The following ANKRD12 variants were observed in gnomAD, a reference collection of about 807,000 sequenced individuals.
ANKRD12 encodes the protein ankyrin repeat domain 12.
In ANKRD12, 85 loss-of-function variants were observed where a neutral mutation model predicts 183.4. The ratio of observed to expected loss-of-function variants is 0.46; its 90% confidence interval spans 0.39 to 0.56. The LOEUF (loss-of-function observed/expected upper bound fraction) is 0.56. Among genes scored for constraint, ANKRD12 ranks in the 20% least tolerant of loss-of-function variants. ANKRD12 has a pLI of 0.00. For synonymous variants in ANKRD12, 914 were observed against 800.2 expected, an observed-to-expected ratio of 1.14 and a Z score of -2.40; for missense variants, 2,405 against 2,357.1, an observed-to-expected ratio of 1.02 and a Z score of -0.42.
At chr18:9,231,877 C>T (rs887938450) in intron 8 of ANKRD12, among the ~76,000 whole-genome samples, 4 of 150,160 alleles carry the variant, frequency 2.7e-5, no homozygotes, top group African/African-American at 9.8e-5. Flanking sequence ...TATAGCTACT[C>T]TTGCTTGCTT....
intron 3 of ANKRD12, among the ~76,000 whole-genome samples, chr18:9,197,045 T>G (rs1035977891): frequency 8.5e-5 from 13 of 152,210 alleles, no homozygotes; most frequent in African/African-American, 3.1e-4. Context: ...ATATTTCTGA[T>G]AGCTGTTCGA....
intron 8 of ANKRD12, among the ~76,000 whole-genome samples, chr18:9,232,482 T>TA (rs1475455624): frequency 1.3e-5 from 2 of 152,218 alleles, no homozygotes; most frequent in Non-Finnish European, 2.9e-5. Context: ...AGTCTGCTGT[T>TA]AGTCTGATGG....
At chr18:9,239,673 A>G (rs571626222) in intron 8 of ANKRD12, 8 of 355,388 alleles carry the variant, frequency 2.3e-5, no homozygotes, top group Non-Finnish European at 3.2e-5. Context: ...ACTTCATCCA[A>G]TCTAAATTCA....
rs184548680 is a variant in ANKRD12, at chr18:9,155,872, T to G, written c.-52+18907T>G. On this transcript the variant is annotated intron_variant, in intron 1 of 12. Transcript: ENST00000262126. ...TGATTTCTGTTTATGATGTTTACAT[T>G]GTAGAAATTTTAAATTTTTATTTAG... Among the ~76,000 whole-genome samples, 40 of 152,272 alleles carry G rather than the reference T, an allele frequency of 2.6e-4. No homozygotes were observed. In the East Asian group the frequency reaches 7.3e-3, roughly 28 times the overall value.
At chr18:9,211,182 A>G (rs776200442) in intron 5 of ANKRD12, among the ~76,000 whole-genome samples, 17 of 152,166 alleles carry the variant, frequency 1.1e-4, no homozygotes, top group African/African-American at 3.1e-4. Flanking sequence ...AAGAACTCCA[A>G]TGCTTTGTCT....
At chr18:9,259,068 A>C in intron 9 of ANKRD12, 137 bp downstream of exon 9, 1 of 1,044,290 alleles carries the variant, frequency 9.6e-7, no homozygotes, top group South Asian at 2.1e-5. Context: ...CGAGATATAA[A>C]GCTAGTAACG....
chr18:9,224,514 T>A (rs1419938497), intron 8 of ANKRD12, among the ~76,000 whole-genome samples: 1 of 151,938 alleles, frequency 6.6e-6, no homozygotes, highest in African/African-American at 2.4e-5. Flanking sequence ...CATACAGAAG[T>A]GCTTGAATAA....
intron 8 of ANKRD12, among the ~76,000 whole-genome samples, chr18:9,227,945 A>G (rs1293937941): frequency 6.6e-6 from 1 of 151,132 alleles, no homozygotes; most frequent in Non-Finnish European, 1.5e-5. Flanking sequence ...TTGCTTCCCC[A>G]CTCTCCCCCA....
intron 3 of ANKRD12, among the ~76,000 whole-genome samples, chr18:9,201,642 T>TG (rs770945044): frequency 6.6e-6 from 1 of 152,148 alleles, no homozygotes; most frequent in Non-Finnish European, 1.5e-5. Flanking sequence ...CAAATAGCAT[T>TG]GGGGGACATG....
chr18:9,269,110 GA>G (rs1442404182), intron 10 of ANKRD12, among the ~76,000 whole-genome samples: 1 of 152,138 alleles, frequency 6.6e-6, no homozygotes, highest in Non-Finnish European at 1.5e-5. Flanking sequence ...ACTGCTCAAT[GA>G]AATAAAAGAG....
At chr18:9,275,346 G>A (rs1448622691) in intron 10 of ANKRD12, among the ~76,000 whole-genome samples, 178 bp from the exon 11 acceptor site, 1 of 152,016 alleles carries the variant, frequency 6.6e-6, no homozygotes, top group South Asian at 2.1e-4. Flanking sequence ...CATGGCACAT[G>A]CCTGTAGTCC....
chr18:9,138,532 A>C lies in ANKRD12; in HGVS notation c.-52+1567A>C, dbSNP rs374665229. ...CCGTCGCAAAAACATACCAAAACAA[A>C]CAAACAAACAAACAAAAAAACATAT... On this transcript the variant is annotated intron_variant, in intron 1 of 12. Coordinates refer to ENST00000262126, the MANE Select transcript of ANKRD12 (RefSeq NM_015208.5). Among the ~76,000 whole-genome samples the C allele has an allele frequency of 2.1e-4, 31 of 150,354 alleles. No homozygotes were observed. In the South Asian group the frequency reaches 4.6e-3, roughly 22 times the overall value.
At chr18:9,213,691 T>G (rs978937995) in intron 6 of ANKRD12, among the ~76,000 whole-genome samples, 2 of 151,834 alleles carry the variant, frequency 1.3e-5, no homozygotes, top group Non-Finnish European at 3.0e-5. Context: ...TATTTCTGGG[T>G]GGTGAGATTA....
intron 11 of ANKRD12, 79 bp downstream of exon 11, chr18:9,275,746 G>C: frequency 1.5e-6 from 2 of 1,313,498 alleles, no homozygotes; most frequent in Non-Finnish European, 2.0e-6. Flanking sequence ...TATTTCCATA[G>C]AAAGAACTTG....
chr18:9,231,316 A>G (rs1323921992), intron 8 of ANKRD12, among the ~76,000 whole-genome samples: 1 of 152,100 alleles, frequency 6.6e-6, no homozygotes, highest in Admixed American at 6.5e-5. Context: ...TTCTATCTAG[A>G]TGATCTGTCT....
At chr18:9,218,247 A>G (rs576223491) in intron 7 of ANKRD12, among the ~76,000 whole-genome samples, 4 of 152,314 alleles carry the variant, frequency 2.6e-5, no homozygotes, top group South Asian at 2.1e-4. Context: ...GAGCTCATGT[A>G]CTTACAAGGA....
At chr18:9,263,693 T>G in intron 9 of ANKRD12, 97 bp from the exon 10 acceptor site, 5 of 794,834 alleles carry the variant, frequency 6.3e-6, no homozygotes, top group Non-Finnish European at 7.2e-6. Flanking sequence ...CATCAGAATT[T>G]GTTTTTTTAT....
chr18:9,151,591 A>G (rs546177064), intron 1 of ANKRD12, among the ~76,000 whole-genome samples: 1 of 152,340 alleles, frequency 6.6e-6, no homozygotes, highest in South Asian at 2.1e-4. Flanking sequence ...AGTGATGGTC[A>G]CTTTCCTAAC....
intron 8 of ANKRD12, chr18:9,249,502 G>GGGA (rs1450514508): frequency 6.6e-6 from 1 of 152,126 alleles, no homozygotes; most frequent in Non-Finnish European, 1.5e-5. Context: ...AGGAGTGATT[G>GGGA]GGAGGTTAAC....
Sources: allele counts gnomAD v4.1 joint callset (sites outside exome capture counted in the v4.1 genomes callset), GRCh38; gene constraint gnomAD v4.1.1; transcripts MANE v1.5; gene names NCBI Gene and HGNC (gene_info 2026-07-23, HGNC 2026-07-21).